Variants in DOCK1 observed in about 807,000 individuals in gnomAD.
The protein encoded by DOCK1 is dedicator of cytokinesis 1.
Under a neutral mutation model 262.7 loss-of-function variants are expected in DOCK1, and 138 were observed. The observed-to-expected ratio is 0.53, with a 90% CI of 0.46 to 0.61. The LOEUF (loss-of-function observed/expected upper bound fraction) is 0.61. DOCK1 is among the 20% of genes least tolerant of loss of function. DOCK1 has a pLI of 0.00. For missense variants in DOCK1, 1,908 were observed against 2,370.7 expected (o/e 0.80, Z 4.05); for synonymous variants, 866 against 867.4 (o/e 1.00, Z 0.03).
Position 127,030,134 on chromosome 10 carries a change from C to T in DOCK1, c.1625-1516C>T, listed in dbSNP as rs376004045. ...TGTTGTCTTGGGTAGTGGGATCCGA[C>T]GGTAAATATTTTGAGCCGTGGACTC... On this transcript the variant is annotated intron_variant, in intron 16 of 51. Coordinates refer to ENST00000623213, the MANE Select transcript of DOCK1 (RefSeq NM_001290223.2). 1.2e-4 allele frequency among the ~76,000 whole-genome samples: 19 copies of T among 152,208 alleles called. No individual in the cohort carries two copies. In the East Asian group the frequency reaches 3.1e-3, roughly 25 times the overall value.
intron 3 of DOCK1, among the ~76,000 whole-genome samples, chr10:126,978,599 T>C (rs1026242873): frequency 1.9e-4 from 29 of 152,190 alleles, no homozygotes; most frequent in African/African-American, 6.5e-4. Flanking sequence ...TAATTATGGC[T>C]CTTCTGTTTC....
intron 35 of DOCK1, 21 bp downstream of exon 35, chr10:127,374,235 G>C: frequency 6.3e-7 from 1 of 1,593,946 alleles, no homozygotes; most frequent in Non-Finnish European, 8.5e-7. Flanking sequence ...GCTTAATCAC[G>C]TTTTTTCAGT....
chr10:127,361,325 A>C (rs71474213), intron 32 of DOCK1, among the ~76,000 whole-genome samples: 1 of 152,042 alleles, frequency 6.6e-6, no homozygotes, highest in Non-Finnish European at 1.5e-5. Context: ...CGTGTTAGCC[A>C]GGATGGTCTC....
At chr10:127,353,599 C>T (rs1230913256) in intron 31 of DOCK1, among the ~76,000 whole-genome samples, 1 of 152,226 alleles carries the variant, frequency 6.6e-6, no homozygotes, top group East Asian at 1.9e-4. Flanking sequence ...TAGGGCTGCG[C>T]TTAGAGCTAG....
chr10:127,054,026 A>G (rs970396116), intron 22 of DOCK1, among the ~76,000 whole-genome samples: 2 of 152,180 alleles, frequency 1.3e-5, no homozygotes, highest in Non-Finnish European at 2.9e-5. Context: ...TAGCGAATAC[A>G]TTTGCCTTTG....
At position 127,032,121 on chromosome 10, in the gene DOCK1, A is replaced by C; in HGVS notation, c.1729-16A>C. Reference sequence around the variant, plus strand: ...TTGTGAATTGCCTTTGACATACGGCATGACTAAATCCACAGGCCGAAGCAA... The same window carrying C: ...TTGTGAATTGCCTTTGACATACGGCCTGACTAAATCCACAGGCCGAAGCAA... On this transcript the variant is annotated splice_polypyrimidine_tract_variant and intron_variant, in intron 17 of 51. Coordinates refer to ENST00000623213, the MANE Select transcript of DOCK1 (RefSeq NM_001290223.2). 1.9e-6 allele frequency: 3 copies of C among 1,576,888 alleles called. No individual in the cohort carries two copies. In the African/African-American group the frequency reaches 4.0e-5, roughly 21 times the overall value.
At chr10:127,231,446 G>T (rs570915333) in intron 27 of DOCK1, among the ~76,000 whole-genome samples, 1 of 151,770 alleles carries the variant, frequency 6.6e-6, no homozygotes, top group African/African-American at 2.4e-5. Flanking sequence ...TTGAGGTGAG[G>T]TCTCTCTCTG....
chr10:127,171,370 C>T (rs2054554000), intron 27 of DOCK1, among the ~76,000 whole-genome samples: 1 of 152,202 alleles, frequency 6.6e-6, no homozygotes, highest in Non-Finnish European at 1.5e-5. Context: ...TAAACATGTT[C>T]TAAGAAACAT....
chr10:127,039,694 C>A (rs983517733), intron 19 of DOCK1, among the ~76,000 whole-genome samples: 10 of 152,144 alleles, frequency 6.6e-5, no homozygotes, highest in Admixed American at 2.6e-4. Context: ...TTGAGGAATT[C>A]CTGCCTGCAC....
chr10:126,950,142 T>C (rs1338529545), intron 1 of DOCK1, among the ~76,000 whole-genome samples: 1 of 152,060 alleles, frequency 6.6e-6, no homozygotes, highest in Non-Finnish European at 1.5e-5. Context: ...ATAAATTAGG[T>C]AGTCCACGAG....
At chr10:127,192,077 T>C (rs183646936) in intron 27 of DOCK1, among the ~76,000 whole-genome samples, 16 of 152,350 alleles carry the variant, frequency 1.1e-4, no homozygotes, top group Admixed American at 9.8e-4. Context: ...CTTTTGTTTC[T>C]TTACCATTCT....
intron 23 of DOCK1, among the ~76,000 whole-genome samples, chr10:127,103,386 A>G (rs1439344714): frequency 6.6e-6 from 1 of 152,206 alleles, no homozygotes; most frequent in Non-Finnish European, 1.5e-5. Flanking sequence ...TGTCTGCTGC[A>G]GGAGTTTGGG....
At chr10:127,322,165 C>T (rs1035565083) in intron 29 of DOCK1, among the ~76,000 whole-genome samples, 6 of 146,916 alleles carry the variant, frequency 4.1e-5, no homozygotes, top group African/African-American at 1.0e-4. Context: ...CAGATTGGCA[C>T]ACACATAATT....
Position 127,371,133 on chromosome 10 carries a change from G to A in DOCK1, c.3433-2648G>A, listed in dbSNP as rs1316960492. ...TACTATCTCCAATTTAGTGGGACAGGATCATTTAATTCTGATTATAGTAAC... is the reference window on the plus strand; with the variant it reads ...TACTATCTCCAATTTAGTGGGACAGAATCATTTAATTCTGATTATAGTAAC... On this transcript the variant is annotated intron_variant, in intron 33 of 51. Coordinates refer to ENST00000623213, the MANE Select transcript of DOCK1 (RefSeq NM_001290223.2). Among the ~76,000 whole-genome samples the A allele has an allele frequency of 2.6e-5, 4 of 152,190 alleles. No individual in the cohort carries two copies. The South Asian group carries it at 6.2e-4, about 24-fold the overall frequency.
At chr10:127,361,106 C>CTTTTTTTTTTTTTTTTTT (rs1175942298) in intron 32 of DOCK1, among the ~76,000 whole-genome samples, 2 of 87,432 alleles carry the variant, frequency 2.3e-5, no homozygotes, top group East Asian at 3.7e-4. Flanking sequence ...TAAAGTAGTT[C>CTTTTTTTTTTTTTTTTTT]TTTTTTTTTT....
intron 29 of DOCK1, 82 bp downstream of exon 29, chr10:127,257,511 C>G: frequency 7.7e-7 from 1 of 1,291,870 alleles, no homozygotes; most frequent in Non-Finnish European, 1.1e-6. Flanking sequence ...GCCTGGAGAC[C>G]AAGCTGGCTT....
At chr10:127,224,100 A>AT (rs1302116305) in intron 27 of DOCK1, among the ~76,000 whole-genome samples, 1 of 152,230 alleles carries the variant, frequency 6.6e-6, no homozygotes, top group Non-Finnish European at 1.5e-5. Flanking sequence ...TTTTGAGCTT[A>AT]TATAGACATG....
At chr10:127,152,211 C>T (rs777866963) in intron 27 of DOCK1, among the ~76,000 whole-genome samples, 1 of 152,184 alleles carries the variant, frequency 6.6e-6, no homozygotes, top group Non-Finnish European at 1.5e-5. Context: ...CACTTCCTAA[C>T]GTACTGATGT....
chr10:127,413,447 C>T (rs1162579089), intron 43 of DOCK1, among the ~76,000 whole-genome samples: 2 of 152,224 alleles, frequency 1.3e-5, no homozygotes, highest in Admixed American at 6.5e-5. Flanking sequence ...TACTGGGAAG[C>T]CAGCCTCGGC....
Sources: allele counts gnomAD v4.1 joint callset (sites outside exome capture counted in the v4.1 genomes callset), GRCh38; gene constraint gnomAD v4.1.1; transcripts MANE v1.5; gene names NCBI Gene and HGNC (gene_info 2026-07-23, HGNC 2026-07-21).